The following ITGBL1 variants were observed in gnomAD, a reference collection of about 807,000 sequenced individuals.
ITGBL1 encodes integrin beta-like protein 1.
ITGBL1 carries 51 observed loss-of-function variants against 68.5 expected under a neutral mutation model. The observed-to-expected ratio is 0.74, with a 90% CI of 0.59 to 0.94. The LOEUF (loss-of-function observed/expected upper bound fraction) is 0.94, where lower values mean the gene tolerates loss of function less well. ITGBL1 is among the 40% of genes least tolerant of loss of function. The probability of loss-of-function intolerance (pLI) is 0.00; values close to 1 mark genes in which losing one functional copy is unlikely to be tolerated. For synonymous variants in ITGBL1, 209 were observed against 227.3 expected (o/e 0.92, Z 0.72); for missense variants, 649 against 647.4 (o/e 1.00, Z -0.03).
At chr13:101,482,087 G>T (rs376713156) in intron 2 of ITGBL1, among the ~76,000 whole-genome samples, 1 of 152,138 alleles carries the variant, frequency 6.6e-6, no homozygotes, top group Non-Finnish European at 1.5e-5. Context: ...AGTTTATTAC[G>T]TAATGAGCAT....
chr13:101,563,623 C>A (rs889262487), intron 2 of ITGBL1, among the ~76,000 whole-genome samples: 2 of 151,786 alleles, frequency 1.3e-5, no homozygotes, highest in Non-Finnish European at 1.5e-5. Flanking sequence ...CTTGAATAGC[C>A]AATATTGGTC....
At chr13:101,589,785 C>A (rs541874194) in intron 6 of ITGBL1, among the ~76,000 whole-genome samples, 1 of 152,318 alleles carries the variant, frequency 6.6e-6, no homozygotes, top group South Asian at 2.1e-4. Flanking sequence ...TTCTTCCCAG[C>A]TTTGCTTATA....
intron 7 of ITGBL1, among the ~76,000 whole-genome samples, chr13:101,651,468 AT>A (rs1417750995): frequency 6.6e-6 from 1 of 152,106 alleles, no homozygotes; most frequent in African/African-American, 2.4e-5. Flanking sequence ...TGAATGTCTT[AT>A]TTTGAGAAGT....
intron 2 of ITGBL1, among the ~76,000 whole-genome samples, chr13:101,563,036 CA>C (rs2050125769): frequency 6.6e-6 from 1 of 150,846 alleles, no homozygotes. Context: ...TAGGAAATCT[CA>C]AAGGATATTA....
chr13:101,605,035 C>CGTGT (rs1594922974), intron 7 of ITGBL1, among the ~76,000 whole-genome samples: 2 of 103,876 alleles, frequency 1.9e-5, no homozygotes, highest in East Asian at 3.0e-4. Flanking sequence ...TGTATATATA[C>CGTGT]ATATACGCAT....
chr13:101,539,387 A>G (rs925434633), intron 2 of ITGBL1, among the ~76,000 whole-genome samples: 6 of 151,792 alleles, frequency 4.0e-5, no homozygotes, highest in Non-Finnish European at 5.9e-5. Flanking sequence ...TGAACTCATC[A>G]TTTTTATGGC....
At chr13:101,613,612 A>G (rs183950337) in intron 7 of ITGBL1, among the ~76,000 whole-genome samples, 10 of 152,298 alleles carry the variant, frequency 6.6e-5, no homozygotes, top group Admixed American at 6.5e-4. Context: ...GGAAGATGGC[A>G]GAGGAAACAG....
chr13:101,685,333 G>A (rs1448138696), intron 7 of ITGBL1, among the ~76,000 whole-genome samples: 2 of 151,904 alleles, frequency 1.3e-5, no homozygotes, highest in Non-Finnish European at 2.9e-5. Context: ...ATTATATTAG[G>A]TTGGGTTAGT....
At chr13:101,546,401 C>A (rs1472838285) in intron 2 of ITGBL1, among the ~76,000 whole-genome samples, 1 of 151,212 alleles carries the variant, frequency 6.6e-6, no homozygotes, top group Non-Finnish European at 1.5e-5. Context: ...ATTCACATGG[C>A]AGAAATGAAA....
chr13:101,519,314 G>GTA (rs2049246146), intron 2 of ITGBL1, among the ~76,000 whole-genome samples: 1 of 152,174 alleles, frequency 6.6e-6, no homozygotes, highest in Admixed American at 6.5e-5. Flanking sequence ...GCAATGCCCA[G>GTA]TATGGTTGTC....
chr13:101,500,863 G>T (rs1335533318), intron 2 of ITGBL1, among the ~76,000 whole-genome samples: 1 of 152,186 alleles, frequency 6.6e-6, no homozygotes, highest in African/African-American at 2.4e-5. Context: ...CAGTCTGAGG[G>T]TGCCTTTGAA....
At chr13:101,609,803 G>A (rs2031038937) in intron 7 of ITGBL1, among the ~76,000 whole-genome samples, 1 of 152,030 alleles carries the variant, frequency 6.6e-6, no homozygotes, top group Non-Finnish European at 1.5e-5. Flanking sequence ...CCAGAAAACT[G>A]TATTACTACC....
At chr13:101,662,828 A>ATT (rs11383148) in intron 7 of ITGBL1, among the ~76,000 whole-genome samples, 9 of 151,214 alleles carry the variant, frequency 6.0e-5, no homozygotes, top group East Asian at 3.9e-4. Context: ...GATAGTCAAT[A>ATT]TTTTTTTTTC....
At chr13:101,603,093 CTG>C (rs1416381697) in intron 7 of ITGBL1, among the ~76,000 whole-genome samples, 1 of 151,976 alleles carries the variant, frequency 6.6e-6, no homozygotes, top group Non-Finnish European at 1.5e-5. Context: ...GGGTCTGTAT[CTG>C]TGAGTGGAAT....
At chr13:101,595,150 G>C (rs940029881) in intron 6 of ITGBL1, among the ~76,000 whole-genome samples, 3 of 152,146 alleles carry the variant, frequency 2.0e-5, no homozygotes, top group African/African-American at 7.2e-5. Context: ...AGTCTGTACA[G>C]GAAGCATGCC....
intron 7 of ITGBL1, among the ~76,000 whole-genome samples, chr13:101,663,956 A>G (rs996388888): frequency 6.6e-6 from 1 of 152,220 alleles, no homozygotes; most frequent in African/African-American, 2.4e-5. Flanking sequence ...CTCTCTTGAG[A>G]AACAGCAGAT....
At chr13:101,568,973 TTTC>T (rs2050225595) in intron 3 of ITGBL1, among the ~76,000 whole-genome samples, 2 of 151,932 alleles carry the variant, frequency 1.3e-5, no homozygotes, top group South Asian at 2.1e-4. Context: ...TCAGTCTTTC[TTTC>T]TTCTTAGTAG....
intron 4 of ITGBL1, among the ~76,000 whole-genome samples, chr13:101,575,791 T>C (rs549566424): frequency 1.3e-5 from 2 of 152,290 alleles, no homozygotes; most frequent in Admixed American, 1.3e-4. Flanking sequence ...ACAGGCCAAC[T>C]GCATAGCTCT....
chr13:101,598,060 A>G, intron 6 of ITGBL1, 93 bp from the exon 7 acceptor site: 1 of 1,171,542 alleles, frequency 8.5e-7, no homozygotes, highest in Non-Finnish European at 1.2e-6. Flanking sequence ...CAAGATCCTG[A>G]CTCATTTGTG....
Sources: gnomAD v4.1 joint callset for allele counts (sites outside exome capture counted in the v4.1 genomes callset) on GRCh38, gnomAD v4.1.1 for gene constraint, MANE v1.5 for transcripts, NCBI Gene and HGNC (gene_info 2026-07-23, HGNC 2026-07-21) for gene names.